GPATCH2L: variants seen among roughly 807,000 people sequenced by gnomAD.
GPATCH2L encodes G-patch domain containing 2 like.
A neutral mutation model predicts 57.4 loss-of-function variants in GPATCH2L; 31 were observed. The observed-to-expected ratio is 0.54, with a 90% CI of 0.41 to 0.73. GPATCH2L has a LOEUF of 0.73. Among genes scored for constraint, GPATCH2L ranks in the 30% least tolerant of loss-of-function variants. The pLI, the probability that GPATCH2L is intolerant of heterozygous loss-of-function variation, is 0.00. For missense variants in GPATCH2L, 481 were observed against 599.9 expected (o/e 0.80, Z 2.07); for synonymous variants, 199 against 210.7 (o/e 0.94, Z 0.48).
rs3059799 is a variant in GPATCH2L at position 76,182,363 on chromosome 14, GAAAAAAAAAA to G, written c.1193+1526_1193+1535del. Among the ~76,000 whole-genome samples the G allele has an allele frequency of 2.9e-4, 25 of 85,636 alleles. 1 individual carries two copies. The East Asian group carries it at 9.5e-3, about 33-fold the overall frequency. The allele number at this position is 85,636 out of a possible 152,430, so 56.2% of individuals were successfully genotyped here. On this transcript the variant is annotated intron_variant, in intron 8 of 9. Transcript: ENST00000261530. ...CAGAGCGAGACCCCGTCTCAGAAAAGAAAAAAAAAAAAAAAAAAAAAGAATGTTGAACCAG... is the reference window on the plus strand; with the variant it reads ...CAGAGCGAGACCCCGTCTCAGAAAAGAAAAAAAAAAAGAATGTTGAACCAG...
Position 76,201,549 on chromosome 14 carries a change from C to G in GPATCH2L, c.1289-142C>G, listed in dbSNP as rs1018966719. On this transcript the variant is annotated intron_variant, in intron 9 of 9. Transcript: ENST00000261530. ...CTTTTTTGTAGAGAAGAAAGAGATA[C>G]CTTACGTGGCCACTTGGGTTACTAG... is the stretch of plus-strand genomic sequence containing the variant. 11 of 475,126 alleles carry G rather than the reference C, an allele frequency of 2.3e-5. No homozygotes were observed. The East Asian group carries it at 3.7e-4, about 16-fold the overall frequency. The allele number at this position is 475,126 out of a possible 1,614,324, so 29.4% of individuals were successfully genotyped here.
In GPATCH2L at chr14:76,207,148, C is replaced by T. The variant is rs1595004513; in HGVS notation, c.*5297C>T. On this transcript the variant is annotated 3_prime_UTR_variant, in exon 10 of 10. Coordinates refer to ENST00000261530, the MANE Select transcript of GPATCH2L (RefSeq NM_017926.4). ...TATGCAACACAGTGAGACCTTGTCT[C>T]TACAAAAAATTTTAAAAATTAGCTG... The T allele has an allele frequency of 6.6e-6, 1 of 152,082 alleles. No individual in the cohort carries two copies. The highest frequency in any genetic ancestry group is 6.5e-5 in the Admixed American group (1 of 15,276). 9.4% of individuals were successfully genotyped at this position (152,082 alleles called of 1,614,324 possible). A position where few individuals can be genotyped will look rare whatever the true frequency, so the allele number is the denominator to read the frequency against.
At chr14:76,189,056 G>A (rs1355673461) in intron 8 of GPATCH2L, among the ~76,000 whole-genome samples, 1 of 152,018 alleles carries the variant, frequency 6.6e-6, no homozygotes, top group Non-Finnish European at 1.5e-5. Context: ...CTGTTCCATT[G>A]GTCTATGTGT....
intron 8 of GPATCH2L, among the ~76,000 whole-genome samples, chr14:76,190,023 T>A (rs910679538): frequency 1.3e-5 from 2 of 152,142 alleles, no homozygotes; most frequent in African/African-American, 4.8e-5. Flanking sequence ...TAGGAGTGAC[T>A]CTAAAGATCT....
rs373055176 is a variant in GPATCH2L, at chr14:76,231,054, C to G, written c.*117+1101C>G. 5.8e-4 allele frequency among the ~76,000 whole-genome samples: 88 copies of G among 152,346 alleles called. 2 individuals carry two copies. The South Asian group carries it at 0.017, about 30-fold the overall frequency. ...TGCCCTGGGCTCTTTTTGCAAGTCT[C>G]AACTCATTGCTGGCTTCAGCCTTCT... On this transcript the variant is annotated intron_variant and NMD_transcript_variant, in intron 2 of 3. Transcript: ENST00000556372.
rs2040435670 is a variant in GPATCH2L, at chr14:76,211,098, T to G, written c.*9247T>G. Reference sequence around the variant, plus strand: ...GAAATCCTGAAGGATAAGCAGGAGTTAAGAAGAGTGGATGAAGCCCTCCAA... The same window carrying G: ...GAAATCCTGAAGGATAAGCAGGAGTGAAGAAGAGTGGATGAAGCCCTCCAA... On this transcript the variant is annotated 3_prime_UTR_variant, in exon 10 of 10. Transcript: ENST00000261530. 6.6e-6 allele frequency: 1 copy of G among 151,996 alleles called. No homozygotes were observed. Among genetic ancestry groups the G allele is most frequent in the South Asian group, 2.1e-4 (1 of 4,816 alleles). The allele number at this position is 151,996 out of a possible 1,614,324, so 9.4% of individuals were successfully genotyped here.
chr14:76,222,136 A>G (rs959722197), intron 1 of GPATCH2L, among the ~76,000 whole-genome samples: 1 of 152,186 alleles, frequency 6.6e-6, no homozygotes, highest in African/African-American at 2.4e-5. Context: ...TCTAAACTCT[A>G]TTTTAAAAAT....
intron 4 of GPATCH2L, 87 bp from the exon 5 acceptor site, chr14:76,173,455 TCCTG>T: frequency 1.4e-6 from 1 of 740,546 alleles, no homozygotes; most frequent in Non-Finnish European, 2.3e-6. Context: ...TCTATTAAGA[TCCTG>T]GGGGTAAAGC....
chr14:76,195,531 C>T (rs182099890), intron 8 of GPATCH2L, among the ~76,000 whole-genome samples: 98 of 152,224 alleles, frequency 6.4e-4, no homozygotes, highest in Admixed American at 6.0e-3. Flanking sequence ...TGTATTACCT[C>T]TTGGGAGTAA....
At chr14:76,182,076 T>A (rs2039579280) in intron 8 of GPATCH2L, among the ~76,000 whole-genome samples, 2 of 152,158 alleles carry the variant, frequency 1.3e-5, no homozygotes, top group Admixed American at 1.3e-4. Flanking sequence ...AATGTTGAAC[T>A]GCCGGGCGCG....
chr14:76,158,045 A>C (rs1259351166), intron 2 of GPATCH2L, among the ~76,000 whole-genome samples: 1 of 152,202 alleles, frequency 6.6e-6, no homozygotes, highest in Non-Finnish European at 1.5e-5. Context: ...AATAGCTATT[A>C]GCTATTAGGT....
At chr14:76,231,989 A>ACTGCAGCCTCC in intron 2 of GPATCH2L, among the ~76,000 whole-genome samples, 2 of 152,252 alleles carry the variant, frequency 1.3e-5, no homozygotes, top group Admixed American at 6.5e-5. Flanking sequence ...CTGCAGCCTC[A>ACTGCAGCCTCC]CTGCAGCCTC....
At chr14:76,188,183 G>A (rs532058943) in intron 8 of GPATCH2L, among the ~76,000 whole-genome samples, 1 of 152,092 alleles carries the variant, frequency 6.6e-6, no homozygotes, top group Non-Finnish European at 1.5e-5. Flanking sequence ...AAACCTGGGG[G>A]TGCAGATATC....
chr14:76,183,556 AC>A (rs1327246564), intron 8 of GPATCH2L, among the ~76,000 whole-genome samples: 1 of 152,204 alleles, frequency 6.6e-6, no homozygotes, highest in Non-Finnish European at 1.5e-5. Flanking sequence ...TGTACTACAT[AC>A]ATAATTTTTT....
At chr14:76,171,345 C>T (rs866578303) in intron 3 of GPATCH2L, among the ~76,000 whole-genome samples, 2 of 151,532 alleles carry the variant, frequency 1.3e-5, no homozygotes, top group Admixed American at 6.6e-5. Context: ...GAGGCCGAGG[C>T]GGGTGGATCA....
Position 76,156,222 on chromosome 14 carries a change from T to G in GPATCH2L, c.662+1197T>G, listed in dbSNP as rs1260428945. On this transcript the variant is annotated intron_variant, in intron 2 of 9. Transcript: ENST00000261530. ...GTGCTGCCCTTTGAGTTGTTCTGTCTCAATTTAACTTTCCCAACTGTAGAA... is the reference window on the plus strand; with the variant it reads ...GTGCTGCCCTTTGAGTTGTTCTGTCGCAATTTAACTTTCCCAACTGTAGAA... 2.0e-5 allele frequency among the ~76,000 whole-genome samples: 3 copies of G among 152,206 alleles called. No homozygotes were observed. The East Asian group carries it at 5.8e-4, about 29-fold the overall frequency.
rs553938677 is a variant in GPATCH2L at position 76,208,398 on chromosome 14, G to A, written c.*6547G>A. 3.9e-5 allele frequency: 6 copies of A among 152,230 alleles called. No individual in the cohort carries two copies. The South Asian group carries it at 8.3e-4, about 21-fold the overall frequency. The allele number at this position is 152,230 out of a possible 1,614,324, so 9.4% of individuals were successfully genotyped here. On this transcript the variant is annotated 3_prime_UTR_variant, in exon 10 of 10. Coordinates refer to ENST00000261530, the MANE Select transcript of GPATCH2L (RefSeq NM_017926.4). ...GATGCCACCCCAAAGTCATGGTAAC[G>A]ATTTGAATTGCTCTCAGTATTGATG...
intron 5 of GPATCH2L, chr14:76,174,589 C>A (rs572338113): frequency 6.6e-6 from 1 of 151,766 alleles, no homozygotes; most frequent in African/African-American, 2.4e-5. Context: ...TATTTCCAGA[C>A]GAGCCCAAGA....
rs1053058009 is a variant in GPATCH2L, at chr14:76,196,321, T to G, written c.1288+349T>G. On this transcript the variant is annotated intron_variant, in intron 9 of 9. Transcript: ENST00000261530. ...CAGGCAGTCACACAGGGTTATTTAC[T>G]TTCTTATTTTGCATACAGTACAGTA... 9 of 589,318 alleles carry G rather than the reference T, an allele frequency of 1.5e-5. No individual in the cohort carries two copies. In the African/African-American group the frequency reaches 1.7e-4, roughly 11 times the overall value. The allele number at this position is 589,318 out of a possible 1,614,324, so 36.5% of individuals were successfully genotyped here.
Sources: gnomAD v4.1 joint callset for allele counts (sites outside exome capture counted in the v4.1 genomes callset) on GRCh38, gnomAD v4.1.1 for gene constraint, MANE v1.5 for transcripts, NCBI Gene and HGNC (gene_info 2026-07-23, HGNC 2026-07-21) for gene names.